The following SLC2A9 variants were observed in gnomAD, a reference collection of about 807,000 sequenced individuals.
The protein encoded by SLC2A9 is solute carrier family 2 member 9.
In SLC2A9, 39 loss-of-function variants were observed where a neutral mutation model predicts 50.6. That is an observed-to-expected ratio of 0.77 (90% CI 0.60 to 1.01). The LOEUF is 1.01. Ranked by LOEUF, SLC2A9 falls within the 50% of genes least tolerant of loss-of-function variation. The pLI is 0.00. For missense variants in SLC2A9, 686 were observed against 677.6 expected, an observed-to-expected ratio of 1.01 and a Z score of -0.14; for synonymous variants, 324 against 276.9, an observed-to-expected ratio of 1.17 and a Z score of -1.69.
At chr4:9,783,332 G>C in intron 3 of SLC2A9, 1 of 1,614,204 alleles carries the variant, frequency 6.2e-7, no homozygotes, top group Non-Finnish European at 8.5e-7. Context: ...GGGTCCTTTC[G>C]ATCGCATGTT....
intron 1 of SLC2A9, among the ~76,000 whole-genome samples, chr4:9,774,747 T>C (rs1717316270): frequency 6.6e-6 from 1 of 152,110 alleles, no homozygotes; most frequent in African/African-American, 2.4e-5. Flanking sequence ...CTTCTCTTTT[T>C]CTTTCCTCTC....
chr4:9,803,853 C>A (rs980946056), intron 3 of SLC2A9, among the ~76,000 whole-genome samples: 1 of 152,178 alleles, frequency 6.6e-6, no homozygotes, highest in Non-Finnish European at 1.5e-5. Flanking sequence ...TTATTAAATA[C>A]CTCCTATGTG....
At chr4:9,800,382 C>T (rs776615541) in intron 3 of SLC2A9, among the ~76,000 whole-genome samples, 1 of 152,246 alleles carries the variant, frequency 6.6e-6, no homozygotes, top group Non-Finnish European at 1.5e-5. Flanking sequence ...ATGGTGGACC[C>T]CTAATCTAAT....
intron 2 of SLC2A9, among the ~76,000 whole-genome samples, chr4:10,013,363 G>C (rs1031727049): frequency 1.1e-4 from 16 of 152,204 alleles, no homozygotes; most frequent in Non-Finnish European, 2.1e-4. Context: ...TTCCAAATGA[G>C]GCATGAAAAG....
intron 4 of SLC2A9, 25 bp downstream of exon 4, chr4:9,985,644 C>T (rs764611807): frequency 1.2e-6 from 2 of 1,613,860 alleles, no homozygotes; most frequent in South Asian, 2.2e-5. Context: ...GTTACTGTTC[C>T]CTCCCCGTCA....
intron 7 of SLC2A9, among the ~76,000 whole-genome samples, chr4:9,910,093 C>G (rs977561050): frequency 6.6e-6 from 1 of 152,166 alleles, no homozygotes; most frequent in Non-Finnish European, 1.5e-5. Context: ...ATGGGCATAC[C>G]AAGAGATGCC....
chr4:9,917,903 CA>C (rs1743179264), intron 7 of SLC2A9, among the ~76,000 whole-genome samples: 1 of 152,086 alleles, frequency 6.6e-6, no homozygotes, highest in South Asian at 2.1e-4. Flanking sequence ...TTTTCCAGCT[CA>C]AAATGTACAC....
chr4:9,926,395 T>C (rs1322637379), intron 6 of SLC2A9, among the ~76,000 whole-genome samples: 1 of 148,826 alleles, frequency 6.7e-6, no homozygotes. Context: ...CCATTTTCTA[T>C]CTAGTATGAT....
chr4:9,853,764 T>C (rs1730325758), intron 10 of SLC2A9, among the ~76,000 whole-genome samples: 1 of 152,020 alleles, frequency 6.6e-6, no homozygotes, highest in African/African-American at 2.4e-5. Context: ...ATTCAGCAAA[T>C]TGACAAAAAA....
At chr4:9,911,947 A>T (rs1318311817) in intron 7 of SLC2A9, among the ~76,000 whole-genome samples, 1 of 152,222 alleles carries the variant, frequency 6.6e-6, no homozygotes, top group Non-Finnish European at 1.5e-5. Flanking sequence ...ACACCATGGA[A>T]TACTATGCAG....
At chr4:9,842,274 T>C (rs770701901) in intron 10 of SLC2A9, among the ~76,000 whole-genome samples, 4 of 152,322 alleles carry the variant, frequency 2.6e-5, no homozygotes, top group East Asian at 1.9e-4. Flanking sequence ...TTTCTTGTGG[T>C]AGGTGTGTAG....
intron 1 of SLC2A9, among the ~76,000 whole-genome samples, chr4:9,773,267 C>T (rs369193580): frequency 2.6e-5 from 4 of 152,332 alleles, no homozygotes; most frequent in East Asian, 3.9e-4. Context: ...ATCCCCTCCC[C>T]TCTACCCTAT....
chr4:9,781,970 TG>T, intron 3 of SLC2A9: 1 of 1,351,440 alleles, frequency 7.4e-7, no homozygotes. Flanking sequence ...TGGGGCTGCC[TG>T]GGGGTCGCAG....
chr4:9,875,629 C>A (rs141615408), intron 10 of SLC2A9, among the ~76,000 whole-genome samples: 1 of 152,304 alleles, frequency 6.6e-6, no homozygotes, highest in Non-Finnish European at 1.5e-5. Context: ...GCTCTGGAGT[C>A]AAACTGATAG....
chr4:9,875,042 C>T (rs112060189), intron 10 of SLC2A9, among the ~76,000 whole-genome samples: 46 of 97,952 alleles, frequency 4.7e-4, no homozygotes, highest in Middle Eastern at 5.9e-3. Context: ...CATAGGTTAG[C>T]GTCTGTCTAA....
intron 1 of SLC2A9, among the ~76,000 whole-genome samples, chr4:10,038,138 A>G (rs993119722): frequency 6.6e-6 from 1 of 151,800 alleles, no homozygotes; most frequent in Non-Finnish European, 1.5e-5. Context: ...TCTCCCTAAG[A>G]CTTTCTGCAT....
chr4:9,795,130 G>A (rs1174332035), downstream of SLC2A9, among the ~76,000 whole-genome samples: 1 of 147,966 alleles, frequency 6.8e-6, no homozygotes, highest in African/African-American at 2.5e-5. Flanking sequence ...TCCTGCCTCA[G>A]CCTCCGAGTA....
At chr4:9,883,547 A>C (rs1046258992) in intron 10 of SLC2A9, among the ~76,000 whole-genome samples, 9 of 152,222 alleles carry the variant, frequency 5.9e-5, no homozygotes, top group African/African-American at 1.9e-4. Context: ...CAGCTGGTGC[A>C]GTGTCTAAGT....
chr4:9,932,487 A>C (rs6449139), intron 6 of SLC2A9, among the ~76,000 whole-genome samples: 49,838 of 152,090 alleles, frequency 0.33, 9,507 homozygotes, highest in African/African-American at 0.51. Context: ...GGTCATAATG[A>C]GTGCTAAAAA....
Sources: gnomAD v4.1 joint callset for allele counts (sites outside exome capture counted in the v4.1 genomes callset) on GRCh38, gnomAD v4.1.1 for gene constraint, MANE v1.5 for transcripts, NCBI Gene and HGNC (gene_info 2026-07-23, HGNC 2026-07-21) for gene names.